PRH1: variants seen among roughly 807,000 people sequenced by gnomAD.
The protein encoded by PRH1 is salivary acidic proline-rich phosphoprotein 1/2.
PRH1 carries 7 observed loss-of-function variants against 7.9 expected under a neutral mutation model. That is an observed-to-expected ratio of 0.89 (90% CI 0.50 to 1.67). The LOEUF (loss-of-function observed/expected upper bound fraction) is 1.67, where lower values mean the gene tolerates loss of function less well. Among genes scored for constraint, PRH1 ranks in the 40% most tolerant of loss-of-function variants. The pLI, the probability that PRH1 is intolerant of heterozygous loss-of-function variation, is 0.00. For synonymous variants in PRH1, 45 were observed against 80.8 expected, an observed-to-expected ratio of 0.56 and a Z score of 2.38; for missense variants, 109 against 223.6, an observed-to-expected ratio of 0.49 and a Z score of 3.27.
chr12:10,896,039 A>C (rs1339976688), intron 2 of PRH1, among the ~76,000 whole-genome samples: 2 of 152,196 alleles, frequency 1.3e-5, no homozygotes, highest in Admixed American at 6.5e-5. Context: ...CTAAAATTAG[A>C]TTTCAACTAA....
rs145395246 is a variant in PRH1 at position 10,939,328 on chromosome 12, G to T, written c.-59+34327C>A. On this transcript the variant is annotated intron_variant, in intron 2 of 3. Transcript: ENST00000539853. ...CAATAATATATTCCCTTTAAAAAGGGAATGTTAAACCAGCAACCATCCAGA... is the reference window on the plus strand; with the variant it reads ...CAATAATATATTCCCTTTAAAAAGGTAATGTTAAACCAGCAACCATCCAGA... 3,338 of 615,764 alleles carry T rather than the reference G, an allele frequency of 5.4e-3. 18 individuals are homozygous for T. The highest frequency in any genetic ancestry group is 7.2e-3 in the Non-Finnish European group (2,745 of 380,640). The allele number at this position is 615,764 out of a possible 1,614,324, so 38.1% of individuals were successfully genotyped here. A position where few individuals can be genotyped will look rare whatever the true frequency, so the allele number is the denominator to read the frequency against.
intron 1 of PRH1, chr12:11,166,247 G>GC: frequency 6.6e-6 from 1 of 152,260 alleles, no homozygotes; most frequent in Non-Finnish European, 1.5e-5. Flanking sequence ...CAGGTTAACT[G>GC]CCCCCTTCCT....
intron 2 of PRH1, among the ~76,000 whole-genome samples, chr12:10,919,043 A>G (rs1036221135): frequency 2.0e-5 from 3 of 152,078 alleles, no homozygotes; most frequent in Non-Finnish European, 4.4e-5. Context: ...TGTCTTCCCA[A>G]CTTTCAAGAT....
chr12:11,096,396 AC>A lies in PRH1; in HGVS notation n.124-49209del, dbSNP rs766762716. Among the ~76,000 whole-genome samples, 4 of 116,170 alleles carry A rather than the reference AC, an allele frequency of 3.4e-5. 1 individual carries two copies. The highest frequency in any genetic ancestry group is 6.1e-5 in the Non-Finnish European group (3 of 49,164). The allele number at this position is 116,170 out of a possible 152,430, so 76.2% of individuals were successfully genotyped here. On this transcript the variant is annotated intron_variant and non_coding_transcript_variant, in intron 1 of 4. Coordinates refer to the PRH1 transcript ENST00000541977. ...CTTATTGTTTTAGAGGTAGAAATGAACTTTTTGTTCTCCTTATATAAATCGT... is the reference window on the plus strand; with the variant it reads ...CTTATTGTTTTAGAGGTAGAAATGAATTTTTGTTCTCCTTATATAAATCGT...
intron 2 of PRH1, chr12:10,895,575 G>A (rs1949632995): frequency 6.6e-6 from 1 of 152,142 alleles, no homozygotes; most frequent in Admixed American, 6.6e-5. Context: ...AAGACACTGA[G>A]GCAAGTGGTA....
chr12:11,162,934 T>C (rs192508429), intron 1 of PRH1, among the ~76,000 whole-genome samples: 19 of 152,308 alleles, frequency 1.2e-4, no homozygotes, highest in Non-Finnish European at 2.5e-4. Context: ...TGGAACACTA[T>C]TCAGCTGTAA....
chr12:11,056,604 G>A (rs1207408052), intron 1 of PRH1, among the ~76,000 whole-genome samples: 1 of 152,136 alleles, frequency 6.6e-6, no homozygotes. Flanking sequence ...GATCACCTGA[G>A]GTTAGGACTT....
intron 1 of PRH1, among the ~76,000 whole-genome samples, chr12:11,017,162 G>A (rs1941334648): frequency 6.6e-6 from 1 of 152,282 alleles, no homozygotes; most frequent in African/African-American, 2.4e-5. Flanking sequence ...TGGGTCAGCA[G>A]ATTAAAACAA....
intron 1 of PRH1, among the ~76,000 whole-genome samples, chr12:11,010,996 G>T (rs1941045487): frequency 6.6e-6 from 1 of 151,828 alleles, no homozygotes; most frequent in South Asian, 2.1e-4. Context: ...GAGAAATTAT[G>T]ATTAGTTTGT....
intron 1 of PRH1, chr12:10,997,954 T>G (rs1319968830): frequency 1.2e-6 from 1 of 815,308 alleles, no homozygotes; most frequent in Non-Finnish European, 1.9e-6. Flanking sequence ...GACTTTAAGT[T>G]AAATATGCAC....
intron 1 of PRH1, chr12:10,997,267 A>T: frequency 6.2e-7 from 1 of 1,614,112 alleles, no homozygotes; most frequent in East Asian, 2.2e-5. Flanking sequence ...TCAGATGTTT[A>T]CACAGAGAGT....
At chr12:11,021,829 G>A (rs1206355405) in intron 1 of PRH1, 2 of 1,614,270 alleles carry the variant, frequency 1.2e-6, no homozygotes, top group African/African-American at 2.7e-5. Flanking sequence ...ATTCCAAGTT[G>A]ATGTGATTAT....
chr12:11,061,994 T>C lies in PRH1; in HGVS notation n.124-14806A>G, dbSNP rs779983971. 9.3e-6 allele frequency: 15 copies of C among 1,613,786 alleles called. No individual in the cohort carries two copies. The East Asian group carries it at 3.1e-4, about 34-fold the overall frequency. On this transcript the variant is annotated intron_variant and non_coding_transcript_variant, in intron 1 of 4. Transcript: ENST00000541977. Reference sequence around the variant, plus strand: ...TTGAGCAAATAAAATATGCTGAGGCTAGTAGCAAGCCAGTTGCTGAAATGG... The same window carrying C: ...TTGAGCAAATAAAATATGCTGAGGCCAGTAGCAAGCCAGTTGCTGAAATGG...
At chr12:11,089,526 C>A (rs1351280785) in intron 1 of PRH1, among the ~76,000 whole-genome samples, 1 of 141,914 alleles carries the variant, frequency 7.0e-6, no homozygotes, top group Non-Finnish European at 1.6e-5. Flanking sequence ...CATCACCACA[C>A]ATTGTTTCAC....
intron 1 of PRH1, among the ~76,000 whole-genome samples, chr12:11,029,806 C>T (rs917672729): frequency 7.3e-5 from 11 of 151,082 alleles, no homozygotes; most frequent in Admixed American, 1.3e-4. Flanking sequence ...TCAAATTCTA[C>T]TGTGTGCATT....
chr12:11,132,375 T>C (rs1477972192), intron 1 of PRH1, among the ~76,000 whole-genome samples: 1 of 152,266 alleles, frequency 6.6e-6, no homozygotes, highest in Non-Finnish European at 1.5e-5. Context: ...AGTTCTCTTA[T>C]CTGAAGTTTA....
At chr12:11,100,910 T>C (rs61912105) in intron 1 of PRH1, among the ~76,000 whole-genome samples, 34,009 of 152,080 alleles carry the variant, frequency 0.22, 3,843 homozygotes, top group Non-Finnish European at 0.24. Context: ...AGGAATAGTA[T>C]AGTGAAATTA....
intron 2 of PRH1, among the ~76,000 whole-genome samples, chr12:10,972,682 A>G (rs926269166): frequency 1.3e-5 from 2 of 152,134 alleles, no homozygotes; most frequent in Admixed American, 6.6e-5. Flanking sequence ...AACCCAATAC[A>G]TAGATTATAT....
chr12:10,947,132 G>T (rs1234209241), intron 2 of PRH1, among the ~76,000 whole-genome samples: 1 of 152,072 alleles, frequency 6.6e-6, no homozygotes, highest in Non-Finnish European at 1.5e-5. Flanking sequence ...CTTCTGTAAA[G>T]GTCTACCAGA....
Sources: allele counts gnomAD v4.1 joint callset (sites outside exome capture counted in the v4.1 genomes callset), GRCh38; gene constraint gnomAD v4.1.1; transcripts MANE v1.5; gene names NCBI Gene and HGNC (gene_info 2026-07-23, HGNC 2026-07-21).